MLLT3: variants seen among roughly 807,000 people sequenced by gnomAD.
MLLT3 encodes MLLT3 super elongation complex subunit.
In MLLT3, 4 loss-of-function variants were observed where a neutral mutation model predicts 53.2. That is an observed-to-expected ratio of 0.08 (90% confidence interval 0.04 to 0.17). The LOEUF is 0.17. Among genes scored for constraint, MLLT3 ranks in the 10% least tolerant of loss-of-function variants. The pLI, the probability that MLLT3 is intolerant of heterozygous loss-of-function variation, is 1.00. For missense variants in MLLT3, 569 were observed against 684.0 expected, an observed-to-expected ratio of 0.83 and a Z score of 1.87; for synonymous variants, 283 against 230.6, an observed-to-expected ratio of 1.23 and a Z score of -2.06.
At chr9:20,500,976 ATTAGT>A (rs371136806) in intron 2 of MLLT3, among the ~76,000 whole-genome samples, 13 of 152,172 alleles carry the variant, frequency 8.5e-5, no homozygotes, top group East Asian at 1.9e-4. Flanking sequence ...TCATTCTTTC[ATTAGT>A]TTAAAGTGAA....
At chr9:20,506,961 G>A (rs79824872) in intron 2 of MLLT3, among the ~76,000 whole-genome samples, 1 of 152,230 alleles carries the variant, frequency 6.6e-6, no homozygotes, top group Non-Finnish European at 1.5e-5. Flanking sequence ...ACTTAAAAAC[G>A]AATCTTTCTC....
chr9:20,592,973 G>A (rs940593093), intron 2 of MLLT3, among the ~76,000 whole-genome samples: 2 of 152,172 alleles, frequency 1.3e-5, no homozygotes, highest in African/African-American at 4.8e-5. Flanking sequence ...GGCAGGTGGA[G>A]TTTATATAGT....
chr9:20,378,565 C>T (rs1198094248), intron 5 of MLLT3, among the ~76,000 whole-genome samples: 1 of 151,964 alleles, frequency 6.6e-6, no homozygotes, highest in Non-Finnish European at 1.5e-5. Flanking sequence ...AAACCCAACA[C>T]AAAATACTTT....
chr9:20,423,026 T>G (rs1411916975), intron 4 of MLLT3, among the ~76,000 whole-genome samples: 4 of 152,146 alleles, frequency 2.6e-5, no homozygotes, highest in Admixed American at 2.6e-4. Flanking sequence ...CATATATAAT[T>G]AGTGATAAAA....
intron 2 of MLLT3, among the ~76,000 whole-genome samples, chr9:20,514,939 A>ATTTTTT (rs35816235): frequency 4.5e-5 from 4 of 88,734 alleles, no homozygotes; most frequent in Non-Finnish European, 8.3e-5. Context: ...TGAAGGAACA[A>ATTTTTT]TTTTTTTTTT....
At chr9:20,435,264 G>C (rs901839143) in intron 4 of MLLT3, among the ~76,000 whole-genome samples, 1 of 151,846 alleles carries the variant, frequency 6.6e-6, no homozygotes, top group Non-Finnish European at 1.5e-5. Flanking sequence ...GGCTAGACTC[G>C]AACTCCTGGG....
intron 2 of MLLT3, among the ~76,000 whole-genome samples, chr9:20,496,171 C>A (rs1825075753): frequency 1.3e-5 from 2 of 152,206 alleles, no homozygotes; most frequent in African/African-American, 4.8e-5. Flanking sequence ...CCTCTACAAT[C>A]ATTGCCTTGT....
intron 2 of MLLT3, among the ~76,000 whole-genome samples, chr9:20,498,830 C>T (rs1406104629): frequency 6.6e-6 from 1 of 152,114 alleles, no homozygotes; most frequent in Admixed American, 6.5e-5. Context: ...TTTTGAAGAG[C>T]AAATTGTTTT....
intron 5 of MLLT3, among the ~76,000 whole-genome samples, chr9:20,405,277 C>A (rs2118755294): frequency 6.6e-6 from 1 of 152,322 alleles, no homozygotes; most frequent in East Asian, 1.9e-4. Flanking sequence ...CCATTACTCA[C>A]ACCCAAGTTT....
chr9:20,474,233 A>G (rs916794689), intron 2 of MLLT3, among the ~76,000 whole-genome samples: 10 of 152,164 alleles, frequency 6.6e-5, no homozygotes, highest in Admixed American at 2.6e-4. Flanking sequence ...TTAAAACCAC[A>G]TAGAAATTTT....
rs1482361906 is a variant in MLLT3 at position 20,346,068 on chromosome 9, G to A, written c.*375C>T. 2 of 253,468 alleles carry A rather than the reference G, an allele frequency of 7.9e-6. No homozygotes were observed. Among genetic ancestry groups the A allele is most frequent in the African/African-American group, 4.4e-5 (2 of 45,438 alleles). 15.7% of individuals were successfully genotyped at this position (253,468 alleles called of 1,614,324 possible). A position where few individuals can be genotyped will look rare whatever the true frequency, so the allele number is the denominator to read the frequency against. On this transcript the variant is annotated 3_prime_UTR_variant, in exon 11 of 11. Transcript: ENST00000380338. ...CAGTTATGTAATAAGGCAGTGTGTT[G>A]AATATGCATTCGTCCTGTGGAATGA... is the stretch of plus-strand genomic sequence containing the variant.
At chr9:20,497,768 A>T (rs192001979) in intron 2 of MLLT3, among the ~76,000 whole-genome samples, 4 of 152,154 alleles carry the variant, frequency 2.6e-5, no homozygotes, top group African/African-American at 9.7e-5. Context: ...ATGAACTTGT[A>T]TAAGTGTGTA....
intron 2 of MLLT3, among the ~76,000 whole-genome samples, chr9:20,590,504 C>T (rs149136599): frequency 2.0e-4 from 31 of 152,308 alleles, no homozygotes; most frequent in African/African-American, 7.0e-4. Context: ...TGTGGCGCTT[C>T]ACTTGTTCAT....
At chr9:20,432,357 C>T (rs902773578) in intron 4 of MLLT3, among the ~76,000 whole-genome samples, 2 of 152,124 alleles carry the variant, frequency 1.3e-5, no homozygotes, top group African/African-American at 4.8e-5. Context: ...AATAACATAA[C>T]TTTAAAGAGT....
intron 5 of MLLT3, among the ~76,000 whole-genome samples, chr9:20,398,087 A>C (rs1396847751): frequency 6.6e-6 from 1 of 151,972 alleles, no homozygotes; most frequent in African/African-American, 2.4e-5. Context: ...CTGCATATAC[A>C]ATGAATATTT....
At chr9:20,601,896 T>A (rs1329930823) in intron 2 of MLLT3, among the ~76,000 whole-genome samples, 2 of 152,174 alleles carry the variant, frequency 1.3e-5, no homozygotes, top group African/African-American at 4.8e-5. Flanking sequence ...TGGCCAGTCA[T>A]AAAACAATTA....
intron 2 of MLLT3, among the ~76,000 whole-genome samples, chr9:20,593,762 T>C (rs997982199): frequency 2.0e-5 from 3 of 152,248 alleles, no homozygotes; most frequent in Admixed American, 1.3e-4. Flanking sequence ...TCTGGGCACG[T>C]ACTGGAATCA....
chr9:20,414,486 G>A (rs922620250), intron 4 of MLLT3, 61 bp from the exon 5 acceptor site: 1 of 1,592,358 alleles, frequency 6.3e-7, no homozygotes, highest in African/African-American at 1.3e-5. Context: ...AGAGTCAAAA[G>A]AGATCTACAT....
At chr9:20,426,218 G>C (rs1385835788) in intron 4 of MLLT3, among the ~76,000 whole-genome samples, 1 of 152,014 alleles carries the variant, frequency 6.6e-6, no homozygotes, top group Non-Finnish European at 1.5e-5. Flanking sequence ...GCCTATCTTT[G>C]TGGTTTGAAA....
Sources: allele counts gnomAD v4.1 joint callset (sites outside exome capture counted in the v4.1 genomes callset), GRCh38; gene constraint gnomAD v4.1.1; transcripts MANE v1.5; gene names NCBI Gene and HGNC (gene_info 2026-07-23, HGNC 2026-07-21).